The following GRM1 variants were observed in gnomAD, a reference collection of about 807,000 sequenced individuals.
GRM1 encodes glutamate metabotropic receptor 1.
Under a neutral mutation model 90.9 loss-of-function variants are expected in GRM1, and 33 were observed. The observed-to-expected ratio is 0.36, with a 90% CI of 0.28 to 0.49. The LOEUF is 0.49. Ranked by LOEUF, GRM1 falls within the 20% of genes least tolerant of loss-of-function variation. The pLI is 0.99. For synonymous variants in GRM1, 700 were observed against 613.2 expected (o/e 1.14, Z -2.09); for missense variants, 1,190 against 1,534.3 (o/e 0.78, Z 3.75).
chr6:146,434,972 G>T lies in GRM1; in HGVS notation c.*176G>T. ...TGCCTTAAGTAGGAAGAGAGGGAAG[G>T]ACACCAAGCAAAAAATGTTCCAGGC... On this transcript the variant is annotated 3_prime_UTR_variant, in exon 8 of 8. Transcript: ENST00000282753. 1 of 645,000 alleles carries T rather than the reference G, an allele frequency of 1.6e-6. No individual in the cohort carries two copies. The highest frequency in any genetic ancestry group is 1.7e-5 in the South Asian group (1 of 58,676). 40.0% of individuals were successfully genotyped at this position (645,000 alleles called of 1,614,324 possible). A position where few individuals can be genotyped will look rare whatever the true frequency, so the allele number is the denominator to read the frequency against.
intron 5 of GRM1, among the ~76,000 whole-genome samples, chr6:146,376,571 T>G (rs1380582285): frequency 6.6e-6 from 1 of 152,096 alleles, no homozygotes; most frequent in Non-Finnish European, 1.5e-5. Context: ...GTAGAATTTT[T>G]TTTTCCTTCA....
intron 2 of GRM1, among the ~76,000 whole-genome samples, chr6:146,296,961 G>A (rs1197671489): frequency 6.6e-6 from 1 of 152,254 alleles, no homozygotes; most frequent in East Asian, 1.9e-4. Flanking sequence ...TGTTAGAATC[G>A]ATTTCCAGTC....
rs150591738 is a variant in GRM1 at position 146,314,034 on chromosome 6, A to AT, written c.1186+9189dup. 8.9e-3 allele frequency among the ~76,000 whole-genome samples: 1,151 copies of AT among 129,826 alleles called. 19 individuals are homozygous for AT. Among genetic ancestry groups the AT allele is most frequent in the African/African-American group, 0.031 (1,089 of 34,626 alleles). 85.2% of individuals were successfully genotyped at this position (129,826 alleles called of 152,430 possible). ...TTTGAGATTCATGATTGCACTGTAT[A>AT]TATCAATAGTTAATTCCTTTTTTTT... On this transcript the variant is annotated intron_variant, in intron 3 of 7. Transcript: ENST00000282753.
intron 1 of GRM1, among the ~76,000 whole-genome samples, chr6:146,152,147 A>C (rs1294460989): frequency 6.6e-6 from 1 of 152,124 alleles, no homozygotes; most frequent in East Asian, 1.9e-4. Flanking sequence ...GCAATCTTGT[A>C]GGGGTATGCC....
chr6:146,032,757 C>G (rs1461271412), intron 1 of GRM1, among the ~76,000 whole-genome samples: 2 of 152,138 alleles, frequency 1.3e-5, no homozygotes, highest in African/African-American at 4.8e-5. Flanking sequence ...ATTCCCTAGT[C>G]AATTCATTAT....
At chr6:146,071,267 A>G (rs928830342) in intron 1 of GRM1, among the ~76,000 whole-genome samples, 2 of 152,182 alleles carry the variant, frequency 1.3e-5, no homozygotes, top group African/African-American at 4.8e-5. Context: ...TCTCTTTGCT[A>G]TAGTGCACTA....
intron 1 of GRM1, among the ~76,000 whole-genome samples, chr6:146,050,036 G>C (rs1380427917): frequency 6.6e-6 from 1 of 151,814 alleles, no homozygotes; most frequent in South Asian, 2.1e-4. Context: ...TTCAAAACAG[G>C]CTTATGAGTT....
rs150520977 is a variant in GRM1, at chr6:146,159,568, C to G, written c.921C>G (p.Gly307=). The part of the protein sequence containing the change: ...RGLLSAMRRL[G]VVGEFSLIGS... ...TCCTGAGCGCCATGCGGCGCCTTGG[C>G]GTCGTGGGCGAGTTCTCACTCATTG... Residue 307 remains glycine (G), a synonymous_variant, in exon 2 of 8, where the codon GGC becomes GGG. Transcript: ENST00000282753. The G allele has an allele frequency of 2.5e-6, 4 of 1,611,494 alleles. No homozygotes were observed. Among genetic ancestry groups the G allele is most frequent in the Non-Finnish European group, 3.4e-6 (4 of 1,178,802 alleles).
chr6:146,115,948 A>G (rs1160776868), intron 1 of GRM1, among the ~76,000 whole-genome samples: 1 of 152,150 alleles, frequency 6.6e-6, no homozygotes. Context: ...CTTTGTAATT[A>G]CATTCATAGT....
intron 5 of GRM1, among the ~76,000 whole-genome samples, chr6:146,367,657 C>A (rs1024528571): frequency 6.6e-6 from 1 of 152,076 alleles, no homozygotes; most frequent in Admixed American, 6.6e-5. Flanking sequence ...TAAATGAGAA[C>A]CTGCAGTGTT....
intron 1 of GRM1, among the ~76,000 whole-genome samples, chr6:146,063,110 C>G (rs1207796544): frequency 6.6e-6 from 1 of 152,138 alleles, no homozygotes; most frequent in African/African-American, 2.4e-5. Context: ...ATTGTCTGCT[C>G]CTCTAAGAGC....
intron 1 of GRM1, among the ~76,000 whole-genome samples, chr6:146,040,684 C>T (rs1411961507): frequency 1.3e-5 from 2 of 151,924 alleles, no homozygotes; most frequent in Admixed American, 1.3e-4. Context: ...TTGGGATTAT[C>T]AACTTTTGAA....
chr6:146,296,000 T>C (rs1475449923), intron 2 of GRM1, among the ~76,000 whole-genome samples: 2 of 152,234 alleles, frequency 1.3e-5, no homozygotes, highest in Non-Finnish European at 2.9e-5. Context: ...CTGCATTAGT[T>C]TGCTAAGGAT....
chr6:146,128,634 A>G (rs1776282981), intron 1 of GRM1, among the ~76,000 whole-genome samples: 1 of 152,198 alleles, frequency 6.6e-6, no homozygotes, highest in Non-Finnish European at 1.5e-5. Flanking sequence ...CCAAATTTAA[A>G]TCTTTTTAAA....
At chr6:146,241,107 C>T (rs900643919) in intron 2 of GRM1, among the ~76,000 whole-genome samples, 1 of 152,090 alleles carries the variant, frequency 6.6e-6, no homozygotes, top group Non-Finnish European at 1.5e-5. Context: ...ACTTTATTTT[C>T]AAATTTATCC....
At chr6:146,133,734 A>C (rs1776498534) in intron 1 of GRM1, among the ~76,000 whole-genome samples, 1 of 152,218 alleles carries the variant, frequency 6.6e-6, no homozygotes, top group Non-Finnish European at 1.5e-5. Context: ...CCTTTTGTGC[A>C]ATCCTGTGCT....
At chr6:146,102,819 T>C (rs890997254) in intron 1 of GRM1, among the ~76,000 whole-genome samples, 1 of 152,224 alleles carries the variant, frequency 6.6e-6, no homozygotes, top group African/African-American at 2.4e-5. Flanking sequence ...TCTAAAATTA[T>C]GGAAGAGAAA....
intron 3 of GRM1, among the ~76,000 whole-genome samples, chr6:146,323,739 T>A (rs994704063): frequency 2.0e-5 from 3 of 152,230 alleles, no homozygotes; most frequent in African/African-American, 7.2e-5. Context: ...AATATTTAAG[T>A]CTTTAATCCA....
intron 1 of GRM1, among the ~76,000 whole-genome samples, chr6:146,069,764 C>T (rs1775965975): frequency 1.3e-5 from 2 of 152,114 alleles, no homozygotes; most frequent in African/African-American, 4.8e-5. Context: ...TATGTTGTGC[C>T]TTTTTTGTAC....
Sources: allele counts gnomAD v4.1 joint callset (sites outside exome capture counted in the v4.1 genomes callset), GRCh38; gene constraint gnomAD v4.1.1; transcripts MANE v1.5; gene names NCBI Gene and HGNC (gene_info 2026-07-23, HGNC 2026-07-21).